The following RIC8B variants were observed in gnomAD, a reference collection of about 807,000 sequenced individuals.
The protein encoded by RIC8B is RIC8 guanine nucleotide exchange factor B.
Under a neutral mutation model 57.5 loss-of-function variants are expected in RIC8B, and 16 were observed. The ratio of observed to expected loss-of-function variants is 0.28; its 90% CI spans 0.19 to 0.42. The LOEUF (loss-of-function observed/expected upper bound fraction) is 0.42. RIC8B is among the 10% of genes least tolerant of loss of function. The pLI is 1.00. For synonymous variants in RIC8B, 216 were observed against 250.8 expected, an observed-to-expected ratio of 0.86 and a Z score of 1.31; for missense variants, 481 against 677.0, an observed-to-expected ratio of 0.71 and a Z score of 3.21.
chr12:106,823,187 A>C (rs1407421523), intron 3 of RIC8B: 1 of 245,544 alleles, frequency 4.1e-6, no homozygotes, highest in African/African-American at 2.2e-5. Context: ...GGAGGAAACA[A>C]AGTGTATGCA....
At chr12:106,783,813 A>G (rs190133476) in intron 1 of RIC8B, among the ~76,000 whole-genome samples, 184 bp from the exon 2 acceptor site, 6 of 152,272 alleles carry the variant, frequency 3.9e-5, no homozygotes, top group Non-Finnish European at 2.9e-5. Flanking sequence ...TATCTGCTGT[A>G]GTCTTTTCAC....
At chr12:106,838,815 A>C (rs1256592549) in intron 4 of RIC8B, among the ~76,000 whole-genome samples, 1 of 150,538 alleles carries the variant, frequency 6.6e-6, no homozygotes, top group Non-Finnish European at 1.5e-5. Flanking sequence ...CTATTAAAAA[A>C]CTCTTAATAG....
chr12:106,868,728 G>A (rs1950244979), intron 8 of RIC8B, among the ~76,000 whole-genome samples: 1 of 133,132 alleles, frequency 7.5e-6, no homozygotes, highest in Non-Finnish European at 1.6e-5. Flanking sequence ...GATAAAAGAG[G>A]AAATAGCACA....
intron 8 of RIC8B, among the ~76,000 whole-genome samples, chr12:106,863,668 A>G (rs1252647751): frequency 1.3e-5 from 2 of 152,074 alleles, no homozygotes; most frequent in African/African-American, 4.8e-5. Context: ...CATTTCTGGG[A>G]ACTAGAACCT....
intron 7 of RIC8B, among the ~76,000 whole-genome samples, chr12:106,854,821 G>T (rs1949648525): frequency 6.6e-6 from 1 of 151,844 alleles, no homozygotes; most frequent in South Asian, 2.1e-4. Context: ...AGAGAGAAAG[G>T]ACAAAATTTT....
intron 2 of RIC8B, among the ~76,000 whole-genome samples, chr12:106,801,870 T>G (rs1488972363): frequency 6.6e-6 from 1 of 152,236 alleles, no homozygotes; most frequent in East Asian, 1.9e-4. Context: ...ATTTTAGAAT[T>G]TAATACAACC....
rs945289290 is a variant in RIC8B at position 106,826,656 on chromosome 12, C to T, written c.836+836C>T. 3.9e-4 allele frequency among the ~76,000 whole-genome samples: 59 copies of T among 152,034 alleles called. 1 individual carries two copies. The highest frequency in any genetic ancestry group is 1.9e-4 in the East Asian group (1 of 5,188). On this transcript the variant is annotated intron_variant, in intron 4 of 9. Coordinates refer to ENST00000392837, the MANE Select transcript of RIC8B (RefSeq NM_001330145.2). ...CTGTAATCCTAGCTACTCGGGAAGC[C>T]GAGGCAGGAGAAACACTGAACCTGG...
chr12:106,842,568 AT>A lies in RIC8B; in HGVS notation c.837-14del, dbSNP rs1272147274. The A allele has an allele frequency of 3.8e-6, 6 of 1,575,044 alleles. No individual in the cohort carries two copies. The Admixed American group carries it at 6.8e-5, about 18-fold the overall frequency. On this transcript the variant is annotated intron_variant, in intron 4 of 9. Transcript: ENST00000392837. Reference sequence around the variant, plus strand: ...CTATTCAATCAAGTTAAAATATTGTATTTTTTTAATTGCTTTTCAGCAATGC... The same window carrying A: ...CTATTCAATCAAGTTAAAATATTGTATTTTTTAATTGCTTTTCAGCAATGC...
rs1392200678 is a variant in RIC8B, at chr12:106,879,209, CA to C, written c.1572-6693del. Reference sequence around the variant, plus strand: ...AACTGCTTAATTATGTCCTGTTTTTCAACAAGTACACTTGAATTGAATGTTT... The same window carrying C: ...AACTGCTTAATTATGTCCTGTTTTTCACAAGTACACTTGAATTGAATGTTT... On this transcript the variant is annotated intron_variant, in intron 9 of 9. Transcript: ENST00000392837. This position sits in a 1 kb window ranked among gnomAD's most constrained non-coding sequence, Gnocchi z 4.9. 6 of 985,784 alleles carry C rather than the reference CA, an allele frequency of 6.1e-6. No individual in the cohort carries two copies. The African/African-American group carries it at 8.7e-5, about 14-fold the overall frequency. 61.1% of individuals were successfully genotyped at this position (985,784 alleles called of 1,614,324 possible). A position where few individuals can be genotyped will look rare whatever the true frequency, so the allele number is the denominator to read the frequency against.
chr12:106,883,897 C>A (rs1441265931), intron 9 of RIC8B, among the ~76,000 whole-genome samples: 1 of 152,208 alleles, frequency 6.6e-6, no homozygotes, highest in Non-Finnish European at 1.5e-5. Context: ...TGCAGCCTTA[C>A]CTCCTGCCCC....
intron 9 of RIC8B, among the ~76,000 whole-genome samples, chr12:106,880,254 G>A (rs996536171): frequency 6.6e-6 from 1 of 152,054 alleles, no homozygotes; most frequent in African/African-American, 2.4e-5. Context: ...GTGACAATTT[G>A]GTAGGATGCT....
intron 1 of RIC8B, among the ~76,000 whole-genome samples, chr12:106,781,295 A>G (rs1013303013): frequency 6.6e-6 from 1 of 152,154 alleles, no homozygotes; most frequent in African/African-American, 2.4e-5. Flanking sequence ...TTCTCTGGAA[A>G]TTAAACATGT....
At chr12:106,835,816 A>G (rs1211393062) in intron 4 of RIC8B, among the ~76,000 whole-genome samples, 1 of 152,240 alleles carries the variant, frequency 6.6e-6, no homozygotes, top group Non-Finnish European at 1.5e-5. Flanking sequence ...CATTTAGAGA[A>G]CAATGACCTG....
chr12:106,793,686 CAG>C (rs1380777403), intron 2 of RIC8B, among the ~76,000 whole-genome samples: 5 of 146,660 alleles, frequency 3.4e-5, no homozygotes, highest in African/African-American at 5.3e-5. Context: ...AAGAGAAAGT[CAG>C]AGGGGTCTGC....
At chr12:106,783,011 C>T (rs1283959228) in intron 1 of RIC8B, among the ~76,000 whole-genome samples, 1 of 152,186 alleles carries the variant, frequency 6.6e-6, no homozygotes, top group Non-Finnish European at 1.5e-5. Context: ...ATTCTGTGCT[C>T]TATTTTTGGG....
intron 8 of RIC8B, among the ~76,000 whole-genome samples, chr12:106,865,555 A>T (rs1950105460): frequency 6.6e-6 from 1 of 152,164 alleles, no homozygotes; most frequent in Admixed American, 6.5e-5. Context: ...ATTCACATAC[A>T]TCTGTCAGGT....
intron 1 of RIC8B, among the ~76,000 whole-genome samples, chr12:106,780,894 A>T (rs2043735151): frequency 6.6e-6 from 1 of 152,190 alleles, no homozygotes; most frequent in Non-Finnish European, 1.5e-5. Flanking sequence ...TGCCATGCTT[A>T]TAAAAAATAA....
chr12:106,804,942 G>A (rs948282537), intron 2 of RIC8B, among the ~76,000 whole-genome samples: 8 of 152,134 alleles, frequency 5.3e-5, no homozygotes, highest in African/African-American at 1.2e-4. Flanking sequence ...TTGGGAAGAC[G>A]TTTTGAATCC....
chr12:106,783,227 C>T (rs1423564477), intron 1 of RIC8B, among the ~76,000 whole-genome samples: 1 of 152,144 alleles, frequency 6.6e-6, no homozygotes, highest in Admixed American at 6.5e-5. Context: ...TTGCTACTTG[C>T]CAGCACTGAG....
Sources: allele counts gnomAD v4.1 joint callset (sites outside exome capture counted in the v4.1 genomes callset), GRCh38; gene constraint gnomAD v4.1.1; non-coding constraint Gnocchi (gnomAD v3.1); transcripts MANE v1.5; gene names NCBI Gene and HGNC (gene_info 2026-07-23, HGNC 2026-07-21).